The following GABRB2 variants were observed in gnomAD, a reference collection of about 807,000 sequenced individuals.
GABRB2 encodes gamma-aminobutyric acid type A receptor subunit beta2, also known as gamma-aminobutyric acid receptor subunit beta-2.
In GABRB2, 16 loss-of-function variants were observed where a neutral mutation model predicts 54.7. The ratio of observed to expected loss-of-function variants is 0.29; its 90% CI spans 0.20 to 0.44. The LOEUF is 0.44. GABRB2 is among the 20% of genes least tolerant of loss of function. GABRB2 has a pLI of 1.00. For missense variants in GABRB2, 355 were observed against 644.0 expected (o/e 0.55, Z 4.86); for synonymous variants, 244 against 233.8 (o/e 1.04, Z -0.40).
Position 161,334,511 on chromosome 5 carries a change from G to T in GABRB2, c.832+241C>A, listed in dbSNP as rs73797576. The stretch of plus-strand genomic sequence containing the variant: ...TTCAATAAAAATATCAAACTGATGG[G>T]ACTAATCTCATTATCAACAGATATA... On this transcript the variant is annotated intron_variant, in intron 7 of 9. Coordinates refer to ENST00000393959, the MANE Select transcript of GABRB2 (RefSeq NM_001371727.1). Among the ~76,000 whole-genome samples the T allele has an allele frequency of 4.0e-3, 610 of 152,206 alleles. 7 individuals carry two copies. Among genetic ancestry groups the T allele is most frequent in the African/African-American group, 0.013 (537 of 41,538 alleles).
At chr5:161,302,570 T>C (rs964529645) in intron 9 of GABRB2, among the ~76,000 whole-genome samples, 16 of 152,192 alleles carry the variant, frequency 1.1e-4, no homozygotes, top group Non-Finnish European at 1.8e-4. Context: ...ACCAGTCATA[T>C]CATCAAGAGA....
At chr5:161,427,006 A>C (rs1025600925) in intron 4 of GABRB2, among the ~76,000 whole-genome samples, 5 of 152,166 alleles carry the variant, frequency 3.3e-5, no homozygotes, top group Non-Finnish European at 7.4e-5. Context: ...CTGTGTTGTG[A>C]CTATTTCCCA....
intron 9 of GABRB2, among the ~76,000 whole-genome samples, chr5:161,300,949 G>A (rs1286057893): frequency 2.0e-5 from 3 of 152,148 alleles, no homozygotes; most frequent in Non-Finnish European, 2.9e-5. Context: ...CATTTATTGA[G>A]TATTTACTGG....
chr5:161,438,863 A>T (rs944914937), intron 4 of GABRB2, among the ~76,000 whole-genome samples: 9 of 152,096 alleles, frequency 5.9e-5, no homozygotes, highest in African/African-American at 2.2e-4. Flanking sequence ...AGAGGGGACA[A>T]AAGAAAAAAG....
chr5:161,365,808 A>G (rs1047955367), intron 5 of GABRB2, among the ~76,000 whole-genome samples: 1 of 152,126 alleles, frequency 6.6e-6, no homozygotes, highest in Non-Finnish European at 1.5e-5. Flanking sequence ...AGTAAGATGC[A>G]CAGGAGCCTC....
At chr5:161,310,674 C>T (rs866676783) in intron 9 of GABRB2, among the ~76,000 whole-genome samples, 105 of 121,422 alleles carry the variant, frequency 8.6e-4, no homozygotes, top group South Asian at 1.4e-3. Flanking sequence ...CACGCGCACG[C>T]GCGCACACAC....
chr5:161,314,321 C>A (rs1208597058), intron 9 of GABRB2, among the ~76,000 whole-genome samples: 1 of 152,186 alleles, frequency 6.6e-6, no homozygotes, highest in African/African-American at 2.4e-5. Context: ...GCCCTTGAAA[C>A]CGGTCCAACT....
intron 4 of GABRB2, among the ~76,000 whole-genome samples, chr5:161,417,431 G>A (rs1205858150): frequency 6.6e-6 from 1 of 152,198 alleles, no homozygotes; most frequent in Admixed American, 6.5e-5. Flanking sequence ...CACACGGTGA[G>A]TGGTAGAGCT....
In GABRB2 at chr5:161,319,342, A is replaced by G. The variant is rs1758140158; in HGVS notation, c.1191+7026T>C. Among the ~76,000 whole-genome samples, 5 of 149,218 alleles carry G rather than the reference A, an allele frequency of 3.4e-5. No homozygotes were observed. The South Asian group carries it at 1.0e-3, about 31-fold the overall frequency. Reference sequence around the variant, plus strand: ...ATTTATAACCAAGAATGAATATTAAATTTTTGTTAATTTTTCTTAATGTCC... The same window carrying G: ...ATTTATAACCAAGAATGAATATTAAGTTTTTGTTAATTTTTCTTAATGTCC... On this transcript the variant is annotated intron_variant, in intron 9 of 9. Coordinates refer to ENST00000393959, the MANE Select transcript of GABRB2 (RefSeq NM_001371727.1).
intron 3 of GABRB2, among the ~76,000 whole-genome samples, chr5:161,506,852 G>A (rs565516276): frequency 6.6e-6 from 1 of 152,112 alleles, no homozygotes; most frequent in Non-Finnish European, 1.5e-5. Flanking sequence ...GTCAATCTTT[G>A]TAAACAAATA....
chr5:161,293,991 C>G lies in GABRB2; in HGVS notation c.*90G>C. 1.0e-6 allele frequency: 1 copy of G among 1,002,934 alleles called. No homozygotes were observed. Among genetic ancestry groups the G allele is most frequent in the Non-Finnish European group, 1.5e-6 (1 of 670,182 alleles). The allele number at this position is 1,002,934 out of a possible 1,614,324, so 62.1% of individuals were successfully genotyped here. A position where few individuals can be genotyped will look rare whatever the true frequency, so the allele number is the denominator to read the frequency against. On this transcript the variant is annotated 3_prime_UTR_variant, in exon 10 of 10. Transcript: ENST00000393959. ...AAGGTATTTTAGCGTCACTTTTGTC[C>G]TGGATTGATGTGTTTTCCAAGTCCT... is the stretch of plus-strand genomic sequence containing the variant.
chr5:161,513,531 G>A (rs1011204704), intron 3 of GABRB2, among the ~76,000 whole-genome samples: 3 of 152,034 alleles, frequency 2.0e-5, no homozygotes, highest in African/African-American at 7.2e-5. Context: ...ATGCAGGAAT[G>A]GAAAACCAAA....
At chr5:161,419,429 A>G (rs1036922939) in intron 4 of GABRB2, among the ~76,000 whole-genome samples, 2 of 152,222 alleles carry the variant, frequency 1.3e-5, no homozygotes, top group African/African-American at 4.8e-5. Context: ...AAATAGAGCT[A>G]CCAACCAACC....
chr5:161,536,270 C>T lies in GABRB2; in HGVS notation c.237+8957G>A, dbSNP rs187986144. Among the ~76,000 whole-genome samples, 102 of 151,706 alleles carry T rather than the reference C, an allele frequency of 6.7e-4. 2 individuals carry two copies. The highest frequency in any genetic ancestry group is 4.2e-3 in the Admixed American group (64 of 15,246). On this transcript the variant is annotated intron_variant, in intron 3 of 9. Transcript: ENST00000393959. ...GTTCAGGAGGGGATGAGAGGAGAAA[C>T]GGAAGGGGGATGAGAGGAGAAACCG...
rs34004032 is a variant in GABRB2 at position 161,541,167 on chromosome 5, C to CTT, written c.237+4058_237+4059dup. The stretch of plus-strand genomic sequence containing the variant: ...GGTTGAGCAGTAAGTCAGTAAGAAT[C>CTT]TTTTTTTTTTTTTTTCTGAGCACTA... On this transcript the variant is annotated intron_variant, in intron 3 of 9. Transcript: ENST00000393959. Among the ~76,000 whole-genome samples, 1,328 of 143,458 alleles carry CTT rather than the reference C, an allele frequency of 9.3e-3. 15 individuals are homozygous for CTT. Among genetic ancestry groups the CTT allele is most frequent in the African/African-American group, 0.03 (1,173 of 39,250 alleles). The allele number at this position is 143,458 out of a possible 152,430, so 94.1% of individuals were successfully genotyped here.
At position 161,294,362 on chromosome 5, in the gene GABRB2, C is replaced by A; in HGVS notation, c.1258G>T (p.Ala420Ser). 6 of 1,614,104 alleles carry A rather than the reference C, an allele frequency of 3.7e-6. No individual in the cohort carries two copies. Among genetic ancestry groups the A allele is most frequent in the Non-Finnish European group, 3.4e-6 (4 of 1,179,988 alleles). The change falls in exon 10 of 10, where the codon GCT (alanine) becomes TCT (serine). Residue 420 changes from alanine to serine, a missense_variant. Ala to Ser is a moderately conservative substitution (Grantham distance 99, BLOSUM62 1). Transcript: ENST00000393959. Reference protein sequence around the residue: ...EIKNEMATSEAVMGLGDPRST... With the variant: ...EIKNEMATSESVMGLGDPRST... ...CTGGGGTCTCCAAGTCCCATCACAG[C>A]CTCAGATGTGGCCATTTCATTTTTT...
chr5:161,356,077 T>C (rs1182607520), intron 5 of GABRB2, among the ~76,000 whole-genome samples: 1 of 152,100 alleles, frequency 6.6e-6, no homozygotes, highest in East Asian at 1.9e-4. Flanking sequence ...GTGATTTAAA[T>C]TGAAAACAGA....
intron 4 of GABRB2, among the ~76,000 whole-genome samples, chr5:161,450,576 A>C (rs947396939): frequency 7.2e-5 from 11 of 152,096 alleles, no homozygotes; most frequent in African/African-American, 2.4e-4. Context: ...TAACTCCAGC[A>C]GTAGCAGTAG....
chr5:161,439,322 G>C (rs1463138318), intron 4 of GABRB2, among the ~76,000 whole-genome samples: 1 of 152,130 alleles, frequency 6.6e-6, no homozygotes, highest in African/African-American at 2.4e-5. Context: ...AAACATGAAG[G>C]AGAAATAAAG....
Sources: allele counts gnomAD v4.1 joint callset (sites outside exome capture counted in the v4.1 genomes callset), GRCh38; gene constraint gnomAD v4.1.1; transcripts MANE v1.5; gene names NCBI Gene and HGNC (gene_info 2026-07-23, HGNC 2026-07-21).